The following GALNTL6 variants were observed in gnomAD, a reference collection of about 807,000 sequenced individuals.
GALNTL6 encodes the protein polypeptide N-acetylgalactosaminyltransferase like 6.
GALNTL6 carries 46 observed loss-of-function variants against 73.7 expected under a neutral mutation model. The observed-to-expected ratio is 0.62, with a 90% CI of 0.49 to 0.80. The LOEUF (loss-of-function observed/expected upper bound fraction) is 0.80, where lower values mean the gene tolerates loss of function less well. GALNTL6 is among the 30% of genes least tolerant of loss of function. The pLI, the probability that GALNTL6 is intolerant of heterozygous loss-of-function variation, is 0.00. For synonymous variants in GALNTL6, 259 were observed against 263.7 expected (o/e 0.98, Z 0.17); for missense variants, 604 against 755.0 (o/e 0.80, Z 2.34).
chr4:171,860,536 C>T (rs1735805028), intron 2 of GALNTL6, among the ~76,000 whole-genome samples: 1 of 152,142 alleles, frequency 6.6e-6, no homozygotes, highest in Admixed American at 6.6e-5. Flanking sequence ...AAAATAACCA[C>T]CAGAAAAAAG....
Position 172,001,770 on chromosome 4 carries a change from T to C in GALNTL6, c.138+187052T>C, listed in dbSNP as rs550693248. On this transcript the variant is annotated intron_variant, in intron 2 of 12. Coordinates refer to ENST00000506823, the MANE Select transcript of GALNTL6 (RefSeq NM_001034845.3). ...GTAAGATAAAGCTGCTTCAGGTAGA[T>C]TCTTTCTCCCATGGATCATTTCTGG... 9.9e-5 allele frequency among the ~76,000 whole-genome samples: 15 copies of C among 152,262 alleles called. No homozygotes were observed. The South Asian group carries it at 3.1e-3, about 32-fold the overall frequency.
intron 2 of GALNTL6, among the ~76,000 whole-genome samples, chr4:171,998,959 C>G (rs978206651): frequency 6.6e-6 from 1 of 152,156 alleles, no homozygotes; most frequent in Non-Finnish European, 1.5e-5. Context: ...AAGATTACAG[C>G]CTCATACCCT....
chr4:172,227,224 G>A (rs28630682), intron 2 of GALNTL6, among the ~76,000 whole-genome samples: 2,182 of 152,240 alleles, frequency 0.014, 57 homozygotes, highest in African/African-American at 0.05. Flanking sequence ...AATTCTCCAG[G>A]TAGGAATTCC....
chr4:172,609,456 A>G (rs1010756958), intron 5 of GALNTL6, among the ~76,000 whole-genome samples: 3 of 152,100 alleles, frequency 2.0e-5, no homozygotes, highest in African/African-American at 7.2e-5. Context: ...ATTGATTTGC[A>G]TATGTAGAAC....
Position 172,472,274 on chromosome 4 carries a change from A to AT in GALNTL6, c.553+123589dup, listed in dbSNP as rs1200706588. Among the ~76,000 whole-genome samples, 5 of 152,248 alleles carry AT rather than the reference A, an allele frequency of 3.3e-5. No individual in the cohort carries two copies. In the East Asian group the frequency reaches 9.7e-4, roughly 29 times the overall value. ...TGGGATGTGAATTATTATTATCTCC[A>AT]TTTTGCAGAAGGCATGAAGAAGTTC... is the stretch of plus-strand genomic sequence containing the variant. On this transcript the variant is annotated intron_variant, in intron 5 of 12. Transcript: ENST00000506823.
At chr4:172,742,044 A>T (rs1045382997) in intron 5 of GALNTL6, among the ~76,000 whole-genome samples, 7 of 152,156 alleles carry the variant, frequency 4.6e-5, no homozygotes, top group Admixed American at 1.3e-4. Flanking sequence ...ACAAAAAAGA[A>T]AATATGACTA....
At chr4:172,613,362 A>T (rs1231698129) in intron 5 of GALNTL6, among the ~76,000 whole-genome samples, 1 of 152,014 alleles carries the variant, frequency 6.6e-6, no homozygotes, top group Non-Finnish European at 1.5e-5. Flanking sequence ...TAGGCCTGTG[A>T]AGAGTAAGGG....
At chr4:172,106,782 A>C (rs1732685869) in intron 2 of GALNTL6, among the ~76,000 whole-genome samples, 1 of 152,200 alleles carries the variant, frequency 6.6e-6, no homozygotes, top group Admixed American at 6.5e-5. Context: ...AATAGTGAAC[A>C]AAAAAAGGGA....
chr4:172,607,839 A>G (rs1227465241), intron 5 of GALNTL6, among the ~76,000 whole-genome samples: 2 of 152,032 alleles, frequency 1.3e-5, no homozygotes, highest in East Asian at 3.9e-4. Flanking sequence ...CATTTCTCCA[A>G]TGATTAGTGA....
intron 7 of GALNTL6, among the ~76,000 whole-genome samples, chr4:172,819,393 C>T (rs1380055177): frequency 6.6e-6 from 1 of 152,142 alleles, no homozygotes. Flanking sequence ...AGAATAAAAT[C>T]AGAAAAAAGT....
intron 2 of GALNTL6, among the ~76,000 whole-genome samples, chr4:172,015,202 T>C (rs1741147615): frequency 6.6e-6 from 1 of 152,064 alleles, no homozygotes; most frequent in Non-Finnish European, 1.5e-5. Context: ...TTCTTAGGTC[T>C]AGTAGCAATT....
rs184095895 is a variant in GALNTL6, at chr4:173,031,324, G to A, written c.1639-8609G>A. On this transcript the variant is annotated intron_variant, in intron 12 of 12. Transcript: ENST00000506823. Reference sequence around the variant, plus strand: ...CAAGATAACTTCTGATTTGATTTTCGCTCTCCAAATAGATTTGCATACAGA... The same window carrying A: ...CAAGATAACTTCTGATTTGATTTTCACTCTCCAAATAGATTTGCATACAGA... 1.2e-3 allele frequency among the ~76,000 whole-genome samples: 187 copies of A among 152,112 alleles called. 2 individuals are homozygous for A. Among genetic ancestry groups the A allele is most frequent in the African/African-American group, 3.9e-3 (163 of 41,490 alleles).
At chr4:171,911,215 A>G (rs1007938289) in intron 2 of GALNTL6, among the ~76,000 whole-genome samples, 3 of 152,108 alleles carry the variant, frequency 2.0e-5, no homozygotes, top group African/African-American at 7.2e-5. Context: ...GCTGGAGTGC[A>G]TTGGCACGAT....
At chr4:172,427,720 G>A (rs1210286109) in intron 5 of GALNTL6, among the ~76,000 whole-genome samples, 2 of 152,080 alleles carry the variant, frequency 1.3e-5, no homozygotes, top group Non-Finnish European at 2.9e-5. Flanking sequence ...GAACCATGTA[G>A]TTTCACAATC....
rs34973148 is a variant in GALNTL6, at chr4:172,533,316, A to ATTTTTT, written c.553+184648_553+184653dup. 5.0e-4 allele frequency among the ~76,000 whole-genome samples: 39 copies of ATTTTTT among 77,420 alleles called. 8 individuals carry two copies. Among genetic ancestry groups the ATTTTTT allele is most frequent in the African/African-American group, 9.4e-4 (17 of 17,996 alleles). 50.8% of individuals were successfully genotyped at this position (77,420 alleles called of 152,430 possible). A position where few individuals can be genotyped will look rare whatever the true frequency, so the allele number is the denominator to read the frequency against. ...GCGTGAGCCGCCGTGCCCGGCCAGA[A>ATTTTTT]TTTTTTTTTTTTTTTTTTTTTTTTT... On this transcript the variant is annotated intron_variant, in intron 5 of 12. Transcript: ENST00000506823.
At chr4:172,412,889 TCTC>T (rs1366481901) in intron 5 of GALNTL6, among the ~76,000 whole-genome samples, 5 of 152,146 alleles carry the variant, frequency 3.3e-5, no homozygotes, top group African/African-American at 1.2e-4. Flanking sequence ...ACCTCCAGAT[TCTC>T]CTGTCCTCTG....
chr4:172,919,369 C>T (rs1747682212), intron 8 of GALNTL6, among the ~76,000 whole-genome samples: 1 of 152,132 alleles, frequency 6.6e-6, no homozygotes. Flanking sequence ...CCCCTCCTGC[C>T]CCTCAGGCAT....
rs375290233 is a variant in GALNTL6 at position 173,017,355 on chromosome 4, C to A, written c.1489-4121C>A. ...CTGAAGAAAATCTACATTCTTCTGT[C>A]AATAAGAGCAGGCCAAGGGTGAAGA... is the stretch of plus-strand genomic sequence containing the variant. On this transcript the variant is annotated intron_variant, in intron 11 of 12. Transcript: ENST00000506823. 1.2e-4 allele frequency among the ~76,000 whole-genome samples: 18 copies of A among 152,224 alleles called. No homozygotes were observed. The East Asian group carries it at 2.3e-3, about 20-fold the overall frequency.
At chr4:172,948,326 C>T (rs1270127556) in intron 9 of GALNTL6, among the ~76,000 whole-genome samples, 1 of 152,164 alleles carries the variant, frequency 6.6e-6, no homozygotes, top group African/African-American at 2.4e-5. Flanking sequence ...TCTTGTAAAA[C>T]TACAGAAAAG....
Sources: allele counts gnomAD v4.1 joint callset (sites outside exome capture counted in the v4.1 genomes callset), GRCh38; gene constraint gnomAD v4.1.1; transcripts MANE v1.5; gene names NCBI Gene and HGNC (gene_info 2026-07-23, HGNC 2026-07-21).